ZBP1: variants seen among roughly 807,000 people sequenced by gnomAD.
The protein encoded by ZBP1 is Z-DNA binding protein 1, also known as Z-DNA-binding protein 1.
Under a neutral mutation model 41.1 loss-of-function variants are expected in ZBP1, and 42 were observed. The observed-to-expected ratio is 1.02, with a 90% CI of 0.80 to 1.32. The LOEUF is 1.32. Among genes scored for constraint, ZBP1 ranks in the 40% most tolerant of loss-of-function variants. The pLI is 0.00. For synonymous variants in ZBP1, 214 were observed against 205.2 expected (o/e 1.04, Z -0.37); for missense variants, 562 against 549.7 (o/e 1.02, Z -0.22).
chr20:57,607,157 A>C, intron 7 of ZBP1: 1 of 1,304,302 alleles, frequency 7.7e-7, no homozygotes, highest in Non-Finnish European at 1.0e-6. Flanking sequence ...CTTCTGGAAA[A>C]GATCACCAAT....
At chr20:57,606,982 TA>T in intron 7 of ZBP1, 2 of 1,205,388 alleles carry the variant, frequency 1.7e-6, no homozygotes, top group Non-Finnish European at 2.1e-6. Flanking sequence ...AAAAAAGAAT[TA>T]ACATTGTTTT....
At chr20:57,614,681 T>C (rs2070768758) in intron 4 of ZBP1, among the ~76,000 whole-genome samples, 2 of 152,226 alleles carry the variant, frequency 1.3e-5, no homozygotes, top group South Asian at 4.1e-4. Context: ...ACTGCAGACC[T>C]TGGGCCACGC....
rs34329805 is a variant in ZBP1, at chr20:57,614,695, C to T, written c.502+192G>A. Among the ~76,000 whole-genome samples the T allele has an allele frequency of 3.4e-3, 517 of 152,328 alleles. 1 individual carries two copies. The highest frequency in any genetic ancestry group is 5.8e-3 in the Non-Finnish European group (395 of 68,028). On this transcript the variant is annotated intron_variant, in intron 4 of 7. Coordinates refer to ENST00000371173, the MANE Select transcript of ZBP1 (RefSeq NM_030776.3). Reference sequence around the variant, plus strand: ...AACTGCAGACCTTGGGCCACGCCTCCAAAAAGCTGTCCCTGGTTAATCTTG... The same window carrying T: ...AACTGCAGACCTTGGGCCACGCCTCTAAAAAGCTGTCCCTGGTTAATCTTG...
chr20:57,613,442 C>T lies in ZBP1; in HGVS notation c.503-112G>A, dbSNP rs911404464. 8 of 1,215,022 alleles carry T rather than the reference C, an allele frequency of 6.6e-6. No homozygotes were observed. The highest frequency in any genetic ancestry group is 3.9e-4 in the Middle Eastern group (2 of 5,116). 75.3% of individuals were successfully genotyped at this position (1,215,022 alleles called of 1,614,324 possible). Reference sequence around the variant, plus strand: ...GGGGAGCTTGTTAAAATACCCTGGGCGTTCCGAGTCAGTAGGGCCAAGTGG... The same window carrying T: ...GGGGAGCTTGTTAAAATACCCTGGGTGTTCCGAGTCAGTAGGGCCAAGTGG... On this transcript the variant is annotated intron_variant, in intron 4 of 7. Coordinates refer to ENST00000371173, the MANE Select transcript of ZBP1 (RefSeq NM_030776.3). The surrounding 1 kb of genome is among the most constrained non-coding windows in gnomAD (Gnocchi z 4.5).
chr20:57,610,188 C>T lies in ZBP1; in HGVS notation c.1054G>A (p.Val352Ile), dbSNP rs751925285. 2 of 1,614,190 alleles carry T rather than the reference C, an allele frequency of 1.2e-6. No individual in the cohort carries two copies. The highest frequency in any genetic ancestry group is 2.2e-5 in the East Asian group (1 of 44,882). The stretch of plus-strand genomic sequence containing the variant: ...GGCTCCCCCTCTCCAGACCCTGCGA[C>T]TCCTCCTGGGCCAGCCACCCCTGGG... ...ISPGVAGPGGVAGSGEGEPGE... is the reference protein window; with the variant it reads ...ISPGVAGPGGIAGSGEGEPGE... The change falls in exon 7 of 8, where the codon GTC (valine) becomes ATC (isoleucine). Residue 352 changes from valine to isoleucine, a missense_variant. Physicochemically the swap from Val to Ile is conservative, Grantham distance 29. Coordinates refer to ENST00000371173, the MANE Select transcript of ZBP1 (RefSeq NM_030776.3). The surrounding 1 kb of genome is among the most constrained non-coding windows in gnomAD (Gnocchi z 5.5).
intron 5 of ZBP1, chr20:57,612,834 A>T (rs1189461564): frequency 1.9e-5 from 20 of 1,061,118 alleles, no homozygotes; most frequent in Non-Finnish European, 2.4e-6. Context: ...CATGAAAAAC[A>T]CCGGACCCCA....
chr20:57,609,757 G>A (rs542387382), intron 7 of ZBP1, among the ~76,000 whole-genome samples: 11 of 152,138 alleles, frequency 7.2e-5, no homozygotes, highest in African/African-American at 1.9e-4. Context: ...CACCTCTCTC[G>A]GGCCCAAAAC....
At chr20:57,619,464 G>A (rs891891671) in intron 1 of ZBP1, among the ~76,000 whole-genome samples, 5 of 152,220 alleles carry the variant, frequency 3.3e-5, no homozygotes, top group Non-Finnish European at 7.3e-5. Context: ...GCTTAGTGGA[G>A]ACCCTAGAGA....
rs200625613 is a variant in ZBP1, at chr20:57,610,386, G to A, written c.875-19C>T. ...GCAGAGACTGTGGGTCAAAGGGAGAGAGGCCTGGAGCCAGGAGCAGCTGGA... is the reference window on the plus strand; with the variant it reads ...GCAGAGACTGTGGGTCAAAGGGAGAAAGGCCTGGAGCCAGGAGCAGCTGGA... On this transcript the variant is annotated intron_variant, in intron 6 of 7. Transcript: ENST00000371173. This position sits in a 1 kb window ranked among gnomAD's most constrained non-coding sequence, Gnocchi z 5.5. The A allele has an allele frequency of 8.1e-6, 13 of 1,613,192 alleles. No homozygotes were observed. In the East Asian group the frequency reaches 2.9e-4, roughly 36 times the overall value.
chr20:57,608,114 T>C (rs539151038), intron 7 of ZBP1, among the ~76,000 whole-genome samples: 54 of 148,046 alleles, frequency 3.6e-4, no homozygotes, highest in African/African-American at 1.3e-3. Context: ...AGGGCAAATC[T>C]GGGAGTGTGA....
intron 6 of ZBP1, among the ~76,000 whole-genome samples, chr20:57,611,454 A>G (rs1243676695): frequency 8.8e-6 from 1 of 113,084 alleles, no homozygotes; most frequent in Non-Finnish European, 1.7e-5. Flanking sequence ...GAGACGTTTT[A>G]CCATATTGGT....
At position 57,611,797 on chromosome 20, in the gene ZBP1, G is replaced by A. The variant is rs758016055; in HGVS notation, c.804C>T (p.His268=). 1 of 1,612,760 alleles carries A rather than the reference G, an allele frequency of 6.2e-7. No individual in the cohort carries two copies. The highest frequency in any genetic ancestry group is 8.5e-7 in the Non-Finnish European group (1 of 1,179,612). The change falls in exon 6 of 8, where the codon CAC becomes CAT. Residue 268 remains histidine (H), a synonymous_variant. Transcript: ENST00000371173. Reference sequence around the variant, plus strand: ...CGCCGTGGAGCCTCATCTCATTGCTGTGTCCCAGCTGCACCCGTCTCAGTA... The same window carrying A: ...CGCCGTGGAGCCTCATCTCATTGCTATGTCCCAGCTGCACCCGTCTCAGTA... The part of the protein sequence containing the change: ...QSILRRVQLG[H]SNEMRLHGVP...
In ZBP1 at chr20:57,620,323, A is replaced by C. The variant is rs2070979765; in HGVS notation, c.-28T>G. On this transcript the variant is annotated 5_prime_UTR_variant, in exon 1 of 8. Transcript: ENST00000371173. Reference sequence around the variant, plus strand: ...TGACAGCAGCTGCAAGGAGTCGGAGAGACTTGGCAGGTGTGCAGGCTTCTG... The same window carrying C: ...TGACAGCAGCTGCAAGGAGTCGGAGCGACTTGGCAGGTGTGCAGGCTTCTG... The C allele has an allele frequency of 6.3e-7, 1 of 1,586,584 alleles. No individual in the cohort carries two copies. The highest frequency in any genetic ancestry group is 8.6e-7 in the Non-Finnish European group (1 of 1,165,722).
rs1034893896 is a variant in ZBP1, at chr20:57,604,477, C to G, written c.*96G>C. ...AGGTTATGTCTGGAAGCAAGCAGGT[C>G]AAACAAGACGCTAAGGAATGCAGAG... On this transcript the variant is annotated 3_prime_UTR_variant, in exon 8 of 8. Transcript: ENST00000371173. The G allele has an allele frequency of 4.0e-6, 6 of 1,488,348 alleles. No individual in the cohort carries two copies. In the African/African-American group the frequency reaches 8.3e-5, roughly 21 times the overall value. The allele number at this position is 1,488,348 out of a possible 1,614,324, so 92.2% of individuals were successfully genotyped here. A position where few individuals can be genotyped will look rare whatever the true frequency, so the allele number is the denominator to read the frequency against.
chr20:57,618,575 A>G (rs898423197), intron 1 of ZBP1, among the ~76,000 whole-genome samples: 1 of 152,082 alleles, frequency 6.6e-6, no homozygotes, highest in Non-Finnish European at 1.5e-5. Context: ...CTTGTCTCGC[A>G]GAGTTTTTTG....
At position 57,605,936 on chromosome 20, in the gene ZBP1, A is replaced by AAAAT. The variant is rs574394663; in HGVS notation, c.1094-1171_1094-1168dup. The stretch of plus-strand genomic sequence containing the variant: ...ACAACGAGAGCAAAACTCCATCTCA[A>AAAAT]AAATAAATAAATAAATAAATAAATA... On this transcript the variant is annotated intron_variant, in intron 7 of 7. Transcript: ENST00000371173. Among the ~76,000 whole-genome samples the AAAAT allele has an allele frequency of 9.0e-3, 1,375 of 152,180 alleles. 12 individuals are homozygous for AAAAT. The highest frequency in any genetic ancestry group is 0.028 in the African/African-American group (1,180 of 41,478).
At chr20:57,608,904 T>C (rs6070180) in intron 7 of ZBP1, among the ~76,000 whole-genome samples, 102,668 of 152,220 alleles carry the variant, frequency 0.67, 34,922 homozygotes, top group East Asian at 0.92. Flanking sequence ...TTTCTACCCA[T>C]TGGTGGGACT....
At chr20:57,612,811 T>A in intron 5 of ZBP1, 1 of 827,600 alleles carries the variant, frequency 1.2e-6, no homozygotes, top group Non-Finnish European at 1.6e-6. Context: ...GGAAAGGCAA[T>A]TGAGTTGTTT....
At position 57,616,403 on chromosome 20, in the gene ZBP1, G is replaced by A. The variant is rs1263625286; in HGVS notation, c.100C>T (p.Leu34=). The change falls in exon 2 of 8, where the codon CTG becomes TTG. Residue 34 remains leucine, a synonymous_variant. Coordinates refer to ENST00000371173, the MANE Select transcript of ZBP1 (RefSeq NM_030776.3). ...TTGGGTGCTTGGCATTCCTTCACCA[G>A]CTGGGCAAGTTTCACCGGGGAGCCA... is the stretch of plus-strand genomic sequence containing the variant. ...EAGSPVKLAQ[L]VKECQAPKRE... 3 of 1,614,142 alleles carry A rather than the reference G, an allele frequency of 1.9e-6. No homozygotes were observed. Among genetic ancestry groups the A allele is most frequent in the Non-Finnish European group, 8.5e-7 (1 of 1,180,020 alleles).
Sources: gnomAD v4.1 joint callset for allele counts (sites outside exome capture counted in the v4.1 genomes callset) on GRCh38, gnomAD v4.1.1 for gene constraint, Gnocchi (gnomAD v3.1) non-coding constraint, MANE v1.5 for transcripts, NCBI Gene and HGNC (gene_info 2026-07-23, HGNC 2026-07-21) for gene names.